BORA: variants seen among roughly 807,000 people sequenced by gnomAD.
BORA encodes the protein BORA aurora kinase A activator, also known as protein aurora borealis.
Under a neutral mutation model 55.8 loss-of-function variants are expected in BORA, and 26 were observed. That is an observed-to-expected ratio of 0.47 (90% CI 0.34 to 0.65). The LOEUF is 0.65. Among genes scored for constraint, BORA ranks in the 30% least tolerant of loss-of-function variants. BORA has a pLI of 0.01. For missense variants in BORA, 568 were observed against 671.5 expected, an observed-to-expected ratio of 0.85 and a Z score of 1.70; for synonymous variants, 201 against 216.9, an observed-to-expected ratio of 0.93 and a Z score of 0.64.
At position 72,755,926 on chromosome 13, in the gene BORA, G is replaced by A; in HGVS notation, c.*710G>A. ...ATCCTTTCCAGCTCAAACGTGGGTA[G>A]GGATGTGGGAGAATAAGAATGTGGG... On this transcript the variant is annotated 3_prime_UTR_variant, in exon 12 of 12. Coordinates refer to ENST00000390667, the MANE Select transcript of BORA (RefSeq NM_024808.5). 5.0e-6 allele frequency: 2 copies of A among 398,634 alleles called. No individual in the cohort carries two copies. The highest frequency in any genetic ancestry group is 8.8e-6 in the Non-Finnish European group (2 of 226,072). The allele number at this position is 398,634 out of a possible 1,614,324, so 24.7% of individuals were successfully genotyped here. A position where few individuals can be genotyped will look rare whatever the true frequency, so the allele number is the denominator to read the frequency against.
At chr13:72,732,153 T>G (rs2032832740) in intron 3 of BORA, among the ~76,000 whole-genome samples, 3 of 152,206 alleles carry the variant, frequency 2.0e-5, no homozygotes, top group Non-Finnish European at 4.4e-5. Context: ...ATGTTGTTAG[T>G]CCAAAACAAA....
At chr13:72,738,089 G>A in intron 5 of BORA, 46 bp downstream of exon 5, 2 of 1,407,588 alleles carry the variant, frequency 1.4e-6, no homozygotes, top group Non-Finnish European at 2.0e-6. Context: ...AAAAGTCGGT[G>A]AATATAAAGC....
intron 1 of BORA, chr13:72,728,328 AG>A (rs1310448399): frequency 4.9e-6 from 3 of 610,468 alleles, no homozygotes; most frequent in Non-Finnish European, 8.8e-6. Context: ...GGAGGGGTGG[AG>A]GGGAGGTCTT....
rs2033078423 is a variant in BORA at position 72,743,524 on chromosome 13, A to C, written c.389-13A>C. On this transcript the variant is annotated splice_polypyrimidine_tract_variant and intron_variant, in intron 5 of 11. Transcript: ENST00000390667. ...TATAAAACATAGGATTTTTCACTTA[A>C]AATGTCTTACAGGCACTAACATAAA... 9 of 1,589,742 alleles carry C rather than the reference A, an allele frequency of 5.7e-6. No individual in the cohort carries two copies. Among genetic ancestry groups the C allele is most frequent in the Non-Finnish European group, 7.7e-6 (9 of 1,165,330 alleles).
intron 10 of BORA, among the ~76,000 whole-genome samples, chr13:72,747,832 C>T (rs2033183508): frequency 6.6e-6 from 1 of 152,080 alleles, no homozygotes; most frequent in South Asian, 2.1e-4. Context: ...CGCGCCTGGC[C>T]TTAGAGTTCT....
rs1290519837 is a variant in BORA, at chr13:72,747,048, T to C, written c.1419T>C (p.Ser473=). ...GCATTGCCTTCAGTATTGAAAACTC[T>C]CATATGTGCATGTCACCTCTTGCTG... The part of the protein sequence containing the change: ...VSGIAFSIEN[S]HMCMSPLAES... Residue 473 remains serine (S), a synonymous_variant, in exon 10 of 12, where the codon TCT becomes TCC. Coordinates refer to ENST00000390667, the MANE Select transcript of BORA (RefSeq NM_024808.5). 1.2e-6 allele frequency: 2 copies of C among 1,614,082 alleles called. No individual in the cohort carries two copies. The highest frequency in any genetic ancestry group is 8.5e-7 in the Non-Finnish European group (1 of 1,179,974).
At position 72,727,973 on chromosome 13, in the gene BORA, G is replaced by C. The variant is rs756618338; in HGVS notation, c.-50G>C. ...CTGGCCTGGCCCCCGGAGCTCCCTG[G>C]AGTCGGTACTGGGGGCTTCGTTTTG... On this transcript the variant is annotated 5_prime_UTR_variant, in exon 1 of 12. Coordinates refer to ENST00000390667, the MANE Select transcript of BORA (RefSeq NM_024808.5). The C allele has an allele frequency of 5.8e-6, 9 of 1,550,490 alleles. No individual in the cohort carries two copies. The highest frequency in any genetic ancestry group is 5.2e-6 in the Non-Finnish European group (6 of 1,147,004).
rs1566225584 is a variant in BORA at position 72,744,920 on chromosome 13, C to T, written c.512-61C>T. The stretch of plus-strand genomic sequence containing the variant: ...TGCTGGCTTCTTAAAAGTTGAGTAA[C>T]AGAAGTATAATTGCCCTTTAAAATG... On this transcript the variant is annotated intron_variant, in intron 7 of 11. Transcript: ENST00000390667. The T allele has an allele frequency of 1.5e-5, 22 of 1,478,992 alleles. No individual in the cohort carries two copies. The South Asian group carries it at 2.3e-4, about 16-fold the overall frequency. 91.6% of individuals were successfully genotyped at this position (1,478,992 alleles called of 1,614,324 possible).
At chr13:72,742,671 T>C (rs533416570) in intron 5 of BORA, among the ~76,000 whole-genome samples, 114 of 152,022 alleles carry the variant, frequency 7.5e-4, no homozygotes, top group Non-Finnish European at 1.5e-3. Flanking sequence ...CTCATATTTA[T>C]TGCTGCATCG....
chr13:72,755,310 C>A lies in BORA; in HGVS notation c.*94C>A. 9.6e-7 allele frequency: 1 copy of A among 1,043,748 alleles called. No individual in the cohort carries two copies. The allele number at this position is 1,043,748 out of a possible 1,614,324, so 64.7% of individuals were successfully genotyped here. On this transcript the variant is annotated 3_prime_UTR_variant, in exon 12 of 12. Coordinates refer to ENST00000390667, the MANE Select transcript of BORA (RefSeq NM_024808.5). ...CATGATGGTGACTGGGAAAAAATTA[C>A]TTCAAGTAACATGCTTAGCTTTCCC...
chr13:72,735,634 C>T (rs574608913), intron 4 of BORA, among the ~76,000 whole-genome samples: 33 of 151,856 alleles, frequency 2.2e-4, no homozygotes, highest in Non-Finnish European at 4.6e-4. Context: ...TTTGAGACGG[C>T]GTTTCGTTCT....
intron 10 of BORA, among the ~76,000 whole-genome samples, chr13:72,751,448 A>T (rs1241792077): frequency 6.6e-6 from 1 of 152,238 alleles, no homozygotes; most frequent in South Asian, 2.1e-4. Flanking sequence ...TTACATTTGC[A>T]GCAACATGGA....
Position 72,743,569 on chromosome 13 carries a change from A to T in BORA, c.421A>T (p.Lys141Ter). ...CATAAATAGTGACTCTCCAGTTGGA[A>T]AAAAGCTGACCATTCATTCTGAGAA... ...TNINSDSPVG[K>*]KLTIHSEKSD... The change falls in exon 6 of 12, where the codon AAA (lysine) becomes TAA (stop). Residue 141 changes from lysine (K) to a stop codon, truncating the protein, a stop_gained. Coordinates refer to ENST00000390667, the MANE Select transcript of BORA (RefSeq NM_024808.5). LOFTEE classifies it high-confidence loss of function. The T allele has an allele frequency of 6.2e-7, 1 of 1,611,290 alleles. No individual in the cohort carries two copies. The highest frequency in any genetic ancestry group is 8.5e-7 in the Non-Finnish European group (1 of 1,178,590).
At chr13:72,745,909 C>A (rs374394711) in intron 8 of BORA, 35 bp from the exon 9 acceptor site, 1 of 1,566,040 alleles carries the variant, frequency 6.4e-7, no homozygotes, top group Non-Finnish European at 8.7e-7. Context: ...GGAAGAGAAC[C>A]ATATACATTT....
At chr13:72,749,644 C>G (rs1051464614) in intron 10 of BORA, among the ~76,000 whole-genome samples, 1 of 149,680 alleles carries the variant, frequency 6.7e-6, no homozygotes, top group African/African-American at 2.4e-5. Flanking sequence ...TGCAATGTGG[C>G]TGGCAAGGCT....
At chr13:72,743,711 T>C in intron 6 of BORA, 109 bp downstream of exon 6, 1 of 724,902 alleles carries the variant, frequency 1.4e-6, no homozygotes, top group Non-Finnish European at 2.1e-6. Flanking sequence ...ATTGTTTCCT[T>C]TTTTTTTTTT....
At chr13:72,730,352 T>C (rs1196979491) in intron 2 of BORA, among the ~76,000 whole-genome samples, 2 of 152,232 alleles carry the variant, frequency 1.3e-5, no homozygotes, top group Admixed American at 6.5e-5. Flanking sequence ...AAATAAATAA[T>C]AGATTGACGG....
At chr13:72,747,228 A>G (rs2033170162) in intron 10 of BORA, 117 bp downstream of exon 10, 1 of 1,075,668 alleles carries the variant, frequency 9.3e-7, no homozygotes, top group Non-Finnish European at 1.3e-6. Flanking sequence ...GTATTATATA[A>G]TATTTTTTAA....
chr13:72,730,889 A>G (rs1179264286), intron 2 of BORA, among the ~76,000 whole-genome samples: 228 of 63,682 alleles, frequency 3.6e-3, no homozygotes, highest in African/African-American at 8.2e-3. Flanking sequence ...CATCTCTACT[A>G]AAAAAAAAAA....
Sources: allele counts gnomAD v4.1 joint callset (sites outside exome capture counted in the v4.1 genomes callset), GRCh38; gene constraint gnomAD v4.1.1; transcripts MANE v1.5; gene names NCBI Gene and HGNC (gene_info 2026-07-23, HGNC 2026-07-21).